The following SNX29 variants were observed in gnomAD, a reference collection of about 807,000 sequenced individuals.
SNX29 encodes sorting nexin-29.
Under a neutral mutation model 102.1 loss-of-function variants are expected in SNX29, and 78 were observed. The ratio of observed to expected loss-of-function variants is 0.76; its 90% CI spans 0.64 to 0.92. The LOEUF is 0.92. Among genes scored for constraint, SNX29 ranks in the 40% least tolerant of loss-of-function variants. SNX29 has a pLI of 0.00. For missense variants in SNX29, 1,280 were observed against 1,061.7 expected (o/e 1.21, Z -2.86); for synonymous variants, 580 against 414.5 (o/e 1.40, Z -4.85).
At chr16:12,281,455 G>A (rs1196247074) in intron 15 of SNX29, among the ~76,000 whole-genome samples, 3 of 152,210 alleles carry the variant, frequency 2.0e-5, no homozygotes, top group Non-Finnish European at 2.9e-5. Context: ...TGGGCATCTT[G>A]TGCCAAGGAC....
chr16:12,522,624 C>T (rs151009120), intron 19 of SNX29, among the ~76,000 whole-genome samples: 62 of 152,168 alleles, frequency 4.1e-4, no homozygotes, highest in African/African-American at 1.5e-3. Context: ...GTATGTGGCA[C>T]CTCCCGCTTC....
intron 15 of SNX29, among the ~76,000 whole-genome samples, chr16:12,346,868 C>T (rs974950378): frequency 5.9e-5 from 9 of 152,160 alleles, no homozygotes; most frequent in African/African-American, 1.7e-4. Flanking sequence ...TGAAGCCTCC[C>T]TCCCTGGCTT....
chr16:12,527,253 G>C, intron 20 of SNX29: 1 of 533,386 alleles, frequency 1.9e-6, no homozygotes. Context: ...TACCCGTGCT[G>C]ACGAATCTCC....
chr16:12,527,674 A>T (rs1334974057), intron 20 of SNX29, among the ~76,000 whole-genome samples: 1 of 152,188 alleles, frequency 6.6e-6, no homozygotes, highest in East Asian at 1.9e-4. Flanking sequence ...CCCACCCAGC[A>T]CGTGGGGATC....
At chr16:12,285,241 C>A (rs771201012) in intron 15 of SNX29, among the ~76,000 whole-genome samples, 1 of 152,196 alleles carries the variant, frequency 6.6e-6, no homozygotes, top group East Asian at 1.9e-4. Flanking sequence ...ATGTTGTCTT[C>A]GGGCTCTCCC....
At chr16:12,545,344 C>G (rs944495822) in intron 20 of SNX29, 1 of 152,208 alleles carries the variant, frequency 6.6e-6, no homozygotes, top group Non-Finnish European at 1.5e-5. Flanking sequence ...TCACATAGTT[C>G]CAAGTACATA....
intron 19 of SNX29, among the ~76,000 whole-genome samples, chr16:12,478,403 G>A (rs2087756189): frequency 1.3e-5 from 2 of 152,204 alleles, no homozygotes; most frequent in Admixed American, 1.3e-4. Flanking sequence ...GGAGTTTGTT[G>A]TTGTTGTTGT....
intron 18 of SNX29, among the ~76,000 whole-genome samples, chr16:12,476,975 A>T (rs1451422580): frequency 6.6e-6 from 1 of 152,114 alleles, no homozygotes; most frequent in Admixed American, 6.5e-5. Context: ...TAACTCATGT[A>T]ATTTTAAAAA....
intron 15 of SNX29, among the ~76,000 whole-genome samples, chr16:12,353,377 T>G (rs1242604617): frequency 6.6e-6 from 1 of 152,212 alleles, no homozygotes; most frequent in African/African-American, 2.4e-5. Flanking sequence ...TCTCATCCAC[T>G]GGGAACTTAT....
chr16:12,168,462 C>T (rs928852439), intron 13 of SNX29, among the ~76,000 whole-genome samples: 1 of 152,130 alleles, frequency 6.6e-6, no homozygotes, highest in African/African-American at 2.4e-5. Context: ...AATCTAAGCC[C>T]CATGTTGTTG....
chr16:12,500,018 A>T (rs754118202), intron 19 of SNX29, among the ~76,000 whole-genome samples: 4 of 151,508 alleles, frequency 2.6e-5, no homozygotes, highest in Admixed American at 2.6e-4. Context: ...TACAGATAGG[A>T]TCTTGCACTG....
At chr16:12,037,149 T>C (rs548324375) in intron 4 of SNX29, among the ~76,000 whole-genome samples, 43 of 152,300 alleles carry the variant, frequency 2.8e-4, no homozygotes, top group Non-Finnish European at 5.6e-4. Context: ...GGTCATATTA[T>C]AGGGTTTGTG....
At chr16:12,049,262 G>T (rs1239088343) in intron 7 of SNX29, among the ~76,000 whole-genome samples, 2 of 152,182 alleles carry the variant, frequency 1.3e-5, no homozygotes, top group Non-Finnish European at 2.9e-5. Flanking sequence ...GCCGAGGCAG[G>T]AGGATCGCTT....
rs759295478 is a variant in SNX29 at position 12,048,618 on chromosome 16, C to T, written c.746C>T (p.Ala249Val). The T allele has an allele frequency of 1.2e-6, 2 of 1,613,936 alleles. No individual in the cohort carries two copies. Among genetic ancestry groups the T allele is most frequent in the South Asian group, 1.1e-5 (1 of 91,070 alleles). ...PLPVVSRNVS[A>V]DAKCKKERKK... The stretch of plus-strand genomic sequence containing the variant: ...CCTGTCGTGTCCAGGAATGTCAGTG[C>T]TGGTGAGTGGGAACGGGTGCTCGAG... Residue 249 changes from alanine (A) to valine (V), a missense_variant and splice_region_variant, in exon 7 of 21, where the codon GCT becomes GTT. Ala to Val is a moderately conservative substitution (Grantham distance 64). Coordinates refer to ENST00000566228, the MANE Select transcript of SNX29 (RefSeq NM_032167.5).
chr16:12,428,501 T>C (rs1294166983), intron 18 of SNX29, among the ~76,000 whole-genome samples: 2 of 152,202 alleles, frequency 1.3e-5, no homozygotes, highest in African/African-American at 4.8e-5. Flanking sequence ...AACAAAGGAC[T>C]CACATAGATA....
chr16:12,016,837 A>T (rs2056862000), intron 3 of SNX29, among the ~76,000 whole-genome samples: 1 of 152,024 alleles, frequency 6.6e-6, no homozygotes, highest in Non-Finnish European at 1.5e-5. Flanking sequence ...CTTAAAAAAA[A>T]TTATACTGGC....
chr16:12,564,563 T>C (rs1194382134), intron 20 of SNX29, among the ~76,000 whole-genome samples: 1 of 152,200 alleles, frequency 6.6e-6, no homozygotes, highest in Non-Finnish European at 1.5e-5. Flanking sequence ...CCCATTCTTA[T>C]GGATTGCCAT....
In SNX29 at chr16:12,037,385, C is replaced by A; in HGVS notation, c.248-5512C>A. Among the ~76,000 whole-genome samples the A allele has an allele frequency of 1.3e-5, 2 of 151,980 alleles. 1 individual carries two copies. The highest frequency in any genetic ancestry group is 3.9e-4 in the East Asian group (2 of 5,194). On this transcript the variant is annotated intron_variant, in intron 4 of 20. Transcript: ENST00000566228. ...TCTGGTAGAACTTGTGCGAAGAGACCCTGTGGTCCAGGGCTGAGACTGGGG... is the reference window on the plus strand; with the variant it reads ...TCTGGTAGAACTTGTGCGAAGAGACACTGTGGTCCAGGGCTGAGACTGGGG...
intron 1 of SNX29, among the ~76,000 whole-genome samples, chr16:11,998,555 C>G (rs1361401452): frequency 1.3e-5 from 2 of 152,132 alleles, no homozygotes; most frequent in African/African-American, 4.8e-5. Flanking sequence ...CTTTGTGATT[C>G]TCTAGGTCTT....
Sources: allele counts gnomAD v4.1 joint callset (sites outside exome capture counted in the v4.1 genomes callset), GRCh38; gene constraint gnomAD v4.1.1; transcripts MANE v1.5; gene names NCBI Gene and HGNC (gene_info 2026-07-23, HGNC 2026-07-21).